YES1: variants seen among roughly 807,000 people sequenced by gnomAD.
The protein encoded by YES1 is tyrosine-protein kinase Yes.
In YES1, 39 loss-of-function variants were observed where a neutral mutation model predicts 70.4. The ratio of observed to expected loss-of-function variants is 0.55; its 90% CI spans 0.43 to 0.72. The LOEUF is 0.72. Among genes scored for constraint, YES1 ranks in the 30% least tolerant of loss-of-function variants. The pLI is 0.00. For synonymous variants in YES1, 198 were observed against 218.6 expected (o/e 0.91, Z 0.83); for missense variants, 495 against 644.8 (o/e 0.77, Z 2.52).
chr18:743,538 T>A, intron 6 of YES1, 123 bp from the exon 7 acceptor site: 2 of 754,790 alleles, frequency 2.6e-6, no homozygotes, highest in Non-Finnish European at 3.9e-6. Flanking sequence ...AGTTTTACTC[T>A]AAAAGCACAA....
In YES1 at chr18:722,584, A is replaced by G. The variant is rs1239557564; in HGVS notation, c.*1840T>C. 1 of 152,324 alleles carries G rather than the reference A, an allele frequency of 6.6e-6. No individual in the cohort carries two copies. The highest frequency in any genetic ancestry group is 1.5e-5 in the Non-Finnish European group (1 of 68,034). 9.4% of individuals were successfully genotyped at this position (152,324 alleles called of 1,614,324 possible). A position where few individuals can be genotyped will look rare whatever the true frequency, so the allele number is the denominator to read the frequency against. ...TTCATCAATTTTTCCTTTGCTAGAC[A>G]CTCAAACCACTAATGCTGCTATTCA... is the stretch of plus-strand genomic sequence containing the variant. On this transcript the variant is annotated 3_prime_UTR_variant, in exon 12 of 12. Transcript: ENST00000314574.
At chr18:757,275 G>A (rs963545526) in intron 1 of YES1, among the ~76,000 whole-genome samples, 35 of 152,138 alleles carry the variant, frequency 2.3e-4, no homozygotes, top group South Asian at 1.5e-3. Context: ...AGGCCAAGGC[G>A]GGCGGATCAC....
intron 10 of YES1, chr18:735,784 G>T (rs1424821023): frequency 3.3e-5 from 5 of 152,056 alleles, no homozygotes. Flanking sequence ...TGGGTGCACT[G>T]AAATCACCAC....
chr18:781,988 A>C (rs1905695533), intron 1 of YES1, among the ~76,000 whole-genome samples: 2 of 152,182 alleles, frequency 1.3e-5, no homozygotes, highest in African/African-American at 4.8e-5. Context: ...AAGAGAAACT[A>C]GAACCAGCAA....
rs746922028 is a variant in YES1 at position 724,489 on chromosome 18, G to C, written c.1567C>G (p.Gln523Glu). ...GTGAAGTAGTCTTCCAAGAAGGACT[G>C]AATATATTCAAATGTTGGTCTTTCA... ...PDERPTFEYI[Q>E]SFLEDYFTAT... Residue 523 changes from glutamine to glutamate, a missense_variant, in exon 12 of 12, where the codon CAG (glutamine) becomes GAG (glutamate). Coordinates refer to ENST00000314574, the MANE Select transcript of YES1 (RefSeq NM_005433.4). 2 of 1,614,160 alleles carry C rather than the reference G, an allele frequency of 1.2e-6. No homozygotes were observed. Among genetic ancestry groups the C allele is most frequent in the Admixed American group, 1.7e-5 (1 of 60,024 alleles).
At chr18:751,179 T>C (rs954961331) in intron 3 of YES1, among the ~76,000 whole-genome samples, 2 of 152,212 alleles carry the variant, frequency 1.3e-5, no homozygotes, top group Non-Finnish European at 2.9e-5. Context: ...GTGGTCATTA[T>C]GCTTGCTAAT....
intron 1 of YES1, chr18:775,093 C>T (rs1052156291): frequency 1.3e-5 from 2 of 152,210 alleles, no homozygotes. Flanking sequence ...CTCAACCTTT[C>T]TGTGTCCCAG....
chr18:764,971 T>C (rs1405913413), intron 1 of YES1, among the ~76,000 whole-genome samples: 1 of 151,802 alleles, frequency 6.6e-6, no homozygotes, highest in African/African-American at 2.4e-5. Flanking sequence ...CCTGACCTTG[T>C]GATCCGTCCG....
intron 1 of YES1, among the ~76,000 whole-genome samples, chr18:790,156 AC>A (rs1906171751): frequency 6.6e-6 from 1 of 152,184 alleles, no homozygotes; most frequent in South Asian, 2.1e-4. Flanking sequence ...TGGGCGGATC[AC>A]CTGAGGTCAG....
rs1253529307 is a variant in YES1, at chr18:785,472, T to C, written c.-9+26642A>G. ...CTTGTTCTAAGTAGCTTGTTCTAAG[T>C]AGCTGGAAGGAGAGAGAAGCACTAT... On this transcript the variant is annotated intron_variant, in intron 1 of 11. Transcript: ENST00000314574. Among the ~76,000 whole-genome samples, 3 of 149,898 alleles carry C rather than the reference T, an allele frequency of 2.0e-5. No individual in the cohort carries two copies. The East Asian group carries it at 5.8e-4, about 29-fold the overall frequency.
chr18:790,064 TAAATA>T (rs1470861609), intron 1 of YES1, among the ~76,000 whole-genome samples: 15 of 151,754 alleles, frequency 9.9e-5, no homozygotes, highest in Admixed American at 9.9e-4. Context: ...CTCATAAAAA[TAAATA>T]AAATAAAATA....
chr18:795,741 A>G (rs1027688532), intron 1 of YES1, among the ~76,000 whole-genome samples: 13 of 123,538 alleles, frequency 1.1e-4, no homozygotes, highest in African/African-American at 4.1e-4. Flanking sequence ...AACATCACAC[A>G]CTGGGGCCTG....
intron 1 of YES1, among the ~76,000 whole-genome samples, chr18:772,364 G>C (rs945985034): frequency 1.3e-5 from 2 of 151,710 alleles, no homozygotes; most frequent in African/African-American, 4.8e-5. Context: ...CTTGATACTA[G>C]GTAAACATTG....
At chr18:781,423 C>A (rs1049794728) in intron 1 of YES1, among the ~76,000 whole-genome samples, 1 of 152,260 alleles carries the variant, frequency 6.6e-6, no homozygotes, top group South Asian at 2.1e-4. Context: ...TGTGACTACT[C>A]AACCTTCAGG....
chr18:757,372 G>T (rs1027615738), intron 1 of YES1, among the ~76,000 whole-genome samples: 10 of 152,164 alleles, frequency 6.6e-5, no homozygotes, highest in East Asian at 5.8e-4. Flanking sequence ...GCGTGGTGGT[G>T]GGCGCCTGTA....
intron 1 of YES1, among the ~76,000 whole-genome samples, chr18:775,734 C>T (rs751750413): frequency 6.6e-6 from 1 of 151,936 alleles, no homozygotes; most frequent in Non-Finnish European, 1.5e-5. Context: ...GAGATAGAGG[C>T]TACAGTGAGC....
At chr18:787,080 C>CTTTTTTTTTTTTTTTTTTTTTTT (rs71174290) in intron 1 of YES1, among the ~76,000 whole-genome samples, 1 of 34,736 alleles carries the variant, frequency 2.9e-5, no homozygotes. Context: ...TACATACTGT[C>CTTTTTTTTTTTTTTTTTTTTTTT]TTTTTTTTTT....
rs375415998 is a variant in YES1, at chr18:743,322, G to A, written c.818C>T (p.Pro273Leu). Residue 273 changes from proline to leucine, a missense_variant, in exon 7 of 12, where the codon CCT becomes CTT. Transcript: ENST00000314574. ...AACCTCTAGTCGCAAAGATTCTCGA[G>A]GGATTTCCCAAGCATCTTTTGCTAG... Reference protein sequence around the residue: ...QGLAKDAWEIPRESLRLEVKL... With the variant: ...QGLAKDAWEILRESLRLEVKL... 1.2e-6 allele frequency: 2 copies of A among 1,612,424 alleles called. No homozygotes were observed. Among genetic ancestry groups the A allele is most frequent in the Non-Finnish European group, 1.7e-6 (2 of 1,179,992 alleles).
chr18:749,405 G>A lies in YES1; in HGVS notation c.372-1387C>T, dbSNP rs370321782. On this transcript the variant is annotated intron_variant, in intron 3 of 11. Coordinates refer to ENST00000314574, the MANE Select transcript of YES1 (RefSeq NM_005433.4). ...CCCAGTTACTCAGGAGACTGAGGCA[G>A]GAGAATCGCTTGAACCTGGGAGGCA... Among the ~76,000 whole-genome samples, 5 of 152,102 alleles carry A rather than the reference G, an allele frequency of 3.3e-5. No individual in the cohort carries two copies. The East Asian group carries it at 7.7e-4, about 24-fold the overall frequency.
Sources: gnomAD v4.1 joint callset for allele counts (sites outside exome capture counted in the v4.1 genomes callset) on GRCh38, gnomAD v4.1.1 for gene constraint, MANE v1.5 for transcripts, NCBI Gene and HGNC (gene_info 2026-07-23, HGNC 2026-07-21) for gene names.